The following EML1 variants were observed in gnomAD, a reference collection of about 807,000 sequenced individuals.
EML1 encodes echinoderm microtubule-associated protein-like 1.
Under a neutral mutation model 110.4 loss-of-function variants are expected in EML1, and 27 were observed. That is an observed-to-expected ratio of 0.24 (90% confidence interval 0.18 to 0.34). The LOEUF (loss-of-function observed/expected upper bound fraction) is 0.34. EML1 is among the 10% of genes least tolerant of loss of function. The pLI is 1.00. For synonymous variants in EML1, 344 were observed against 385.8 expected (o/e 0.89, Z 1.27); for missense variants, 741 against 1,030.9 (o/e 0.72, Z 3.85).
At position 99,793,517 on chromosome 14, in the gene EML1, C is replaced by T. The variant is rs1319705298; in HGVS notation, c.41C>T (p.Thr14Met). The change falls in exon 1 of 22, where the codon ACG becomes ATG. Residue 14 changes from threonine to methionine, a missense_variant. Around this residue, in one of 4 missense-constraint regions of EML1, gnomAD observed 226 missense variants for 255.6 expected, o/e 0.88. Coordinates refer to ENST00000262233, the MANE Select transcript of EML1 (RefSeq NM_004434.3). ...GFSSYSSLYDTSSLLQFCNDD... is the reference protein window; with the variant it reads ...GFSSYSSLYDMSSLLQFCNDD... ...TCCAGCTACAGCAGCCTGTACGACA[C>T]GTCCTCGCTGCTCCAGTTCTGCAAC... 2 of 1,044,142 alleles carry T rather than the reference C, an allele frequency of 1.9e-6. No homozygotes were observed. Among genetic ancestry groups the T allele is most frequent in the African/African-American group, 1.7e-5 (1 of 57,348 alleles). The allele number at this position is 1,044,142 out of a possible 1,614,324, so 64.7% of individuals were successfully genotyped here.
At chr14:99,861,527 G>A (rs150208132) in intron 2 of EML1, among the ~76,000 whole-genome samples, 16 of 152,300 alleles carry the variant, frequency 1.1e-4, no homozygotes, top group Middle Eastern at 6.8e-3. Flanking sequence ...TGTTGCCCAG[G>A]CTGGAGTGCA....
intron 4 of EML1, among the ~76,000 whole-genome samples, chr14:99,887,376 G>C (rs547912673): frequency 2.0e-4 from 30 of 152,266 alleles, no homozygotes; most frequent in African/African-American, 6.7e-4. Context: ...GTTCACCGGG[G>C]GGGCAAATCC....
At chr14:99,808,319 G>T (rs1254944384) in intron 1 of EML1, among the ~76,000 whole-genome samples, 1 of 152,194 alleles carries the variant, frequency 6.6e-6, no homozygotes, top group African/African-American at 2.4e-5. Flanking sequence ...AAAATCAGAT[G>T]CTGAAATTAT....
At chr14:99,828,714 A>G (rs2058400664) in intron 1 of EML1, among the ~76,000 whole-genome samples, 1 of 152,224 alleles carries the variant, frequency 6.6e-6, no homozygotes, top group African/African-American at 2.4e-5. Flanking sequence ...GCTGTTGACC[A>G]GAAGCCTTAC....
At chr14:99,925,182 T>C (rs956018648) in intron 17 of EML1, among the ~76,000 whole-genome samples, 6 of 151,946 alleles carry the variant, frequency 3.9e-5, no homozygotes, top group African/African-American at 1.4e-4. Context: ...TATGTGAATT[T>C]GGTGAAACTA....
chr14:99,894,589 G>A (rs778328432), intron 5 of EML1, 40 bp from the exon 6 acceptor site: 2 of 1,594,734 alleles, frequency 1.3e-6, no homozygotes, highest in South Asian at 2.3e-5. Context: ...GGTACGCTGG[G>A]CACTGAGGTA....
At chr14:99,910,557 G>A (rs1218912142) in intron 12 of EML1, among the ~76,000 whole-genome samples, 1 of 152,196 alleles carries the variant, frequency 6.6e-6, no homozygotes, top group Admixed American at 6.5e-5. Flanking sequence ...TGACCTTACA[G>A]CATTCTGAAA....
chr14:99,811,017 C>T (rs1270455162), intron 1 of EML1, among the ~76,000 whole-genome samples: 1 of 152,140 alleles, frequency 6.6e-6, no homozygotes, highest in African/African-American at 2.4e-5. Context: ...TTCCTCTTTT[C>T]CTACATCCAG....
Position 99,737,956 on chromosome 14 carries a change from A to G in EML1, c.28+96A>G, listed in dbSNP as rs1419517836. On this transcript the variant is annotated intron_variant, in intron 1 of 10. Coordinates refer to the EML1 transcript ENST00000554479. ...ACTGGGGCCCCCGCAGGCTGCAGGC[A>G]GCTGTGAGCTGGACCCCCTTCCTCC... The G allele has an allele frequency of 6.7e-6, 8 of 1,200,794 alleles. No homozygotes were observed. The African/African-American group carries it at 7.9e-5, about 12-fold the overall frequency. 74.4% of individuals were successfully genotyped at this position (1,200,794 alleles called of 1,614,324 possible).
rs960131953 is a variant in EML1 at position 99,737,737 on chromosome 14, C to T, written c.-96C>T. On this transcript the variant is annotated 5_prime_UTR_variant, in exon 1 of 11. Coordinates refer to the EML1 transcript ENST00000554479. ...GCGGGACGCTGCCTGGGGCTGGACG[C>T]GGAGGAGCCCCAAGCCCTGCTGGGT... 1.5e-5 allele frequency: 18 copies of T among 1,230,426 alleles called. No homozygotes were observed. The Admixed American group carries it at 2.6e-4, about 18-fold the overall frequency. The allele number at this position is 1,230,426 out of a possible 1,614,324, so 76.2% of individuals were successfully genotyped here.
chr14:99,749,712 T>C (rs2140171230), intron 1 of EML1, among the ~76,000 whole-genome samples: 1 of 152,316 alleles, frequency 6.6e-6, no homozygotes, highest in East Asian at 1.9e-4. Context: ...GCGAGGGAGC[T>C]GACTTACCAG....
rs141341254 is a variant in EML1, at chr14:99,869,791, C to G, written c.383+4145C>G. 2.0e-4 allele frequency among the ~76,000 whole-genome samples: 31 copies of G among 152,278 alleles called. No homozygotes were observed. The East Asian group carries it at 5.6e-3, about 28-fold the overall frequency. ...AGTGAGTTCTTGCTCTGAGTTCACT[C>G]AAGGTCTGGTTGTTTAAAAGAGCGT... is the stretch of plus-strand genomic sequence containing the variant. On this transcript the variant is annotated intron_variant, in intron 3 of 21. Transcript: ENST00000262233.
intron 1 of EML1, among the ~76,000 whole-genome samples, chr14:99,810,089 TGTTTGAGTGATGTTTACGTGGAA>T (rs2058050310): frequency 6.6e-6 from 1 of 152,042 alleles, no homozygotes; most frequent in African/African-American, 2.4e-5. Flanking sequence ...CACTCCCCAG[TGTTTGAGTGATGTTTACGTGGAA>T]GCCTGGCGTG....
intron 2 of EML1, among the ~76,000 whole-genome samples, chr14:99,857,583 C>T (rs1397671050): frequency 6.6e-6 from 1 of 152,178 alleles, no homozygotes; most frequent in African/African-American, 2.4e-5. Context: ...TTTCCAGTTG[C>T]TCCCTCCTCC....
At chr14:99,790,596 A>G (rs1804097790), upstream of EML1, among the ~76,000 whole-genome samples, 2 of 152,230 alleles carry the variant, frequency 1.3e-5, no homozygotes, top group Admixed American at 1.3e-4. Flanking sequence ...ATCATCCAAC[A>G]TATCCTGAAG....
chr14:99,801,232 C>T (rs2057871430), intron 1 of EML1, among the ~76,000 whole-genome samples: 1 of 152,216 alleles, frequency 6.6e-6, no homozygotes. Flanking sequence ...GTCCGTTTGG[C>T]AAATCGGGCT....
intron 1 of EML1, among the ~76,000 whole-genome samples, chr14:99,797,195 T>G (rs889248422): frequency 2.0e-5 from 3 of 152,210 alleles, no homozygotes; most frequent in African/African-American, 4.8e-5. Context: ...AATGGAATTA[T>G]AGAATGTTTG....
In EML1 at chr14:99,936,596, A is replaced by T. The variant is rs959043628; in HGVS notation, c.2095+262A>T. 6.6e-6 allele frequency among the ~76,000 whole-genome samples: 1 copy of T among 151,860 alleles called. No individual in the cohort carries two copies. The highest frequency in any genetic ancestry group is 6.6e-5 in the Admixed American group (1 of 15,242). On this transcript the variant is annotated intron_variant, in intron 19 of 21. Coordinates refer to ENST00000262233, the MANE Select transcript of EML1 (RefSeq NM_004434.3). The surrounding 1 kb of genome is among the most constrained non-coding windows in gnomAD (Gnocchi z 5.5). Reference sequence around the variant, plus strand: ...AGGGGAAGAAGGCCAAGCCCTGCAGAGGGGGGCTTGGGGCAGGCGGATGTG... The same window carrying T: ...AGGGGAAGAAGGCCAAGCCCTGCAGTGGGGGGCTTGGGGCAGGCGGATGTG...
At chr14:99,748,323 C>G (rs1428302306) in intron 1 of EML1, among the ~76,000 whole-genome samples, 1 of 152,182 alleles carries the variant, frequency 6.6e-6, no homozygotes, top group East Asian at 1.9e-4. Context: ...GTGAGTGGTA[C>G]TCACGTTTCT....
Sources: gnomAD v4.1 joint callset for allele counts (sites outside exome capture counted in the v4.1 genomes callset) on GRCh38, gnomAD v4.1.1 for gene constraint, gnomAD v4.1.1 regional missense constraint, Gnocchi (gnomAD v3.1) non-coding constraint, MANE v1.5 for transcripts, NCBI Gene and HGNC (gene_info 2026-07-23, HGNC 2026-07-21) for gene names.